CHST11: variants seen among roughly 807,000 people sequenced by gnomAD.
The protein encoded by CHST11 is C4S-1.
Under a neutral mutation model 30.4 loss-of-function variants are expected in CHST11, and 9 were observed. That is an observed-to-expected ratio of 0.30 (90% CI 0.18 to 0.52). CHST11 has a LOEUF of 0.52. CHST11 is among the 20% of genes least tolerant of loss of function. The pLI is 0.97. For missense variants in CHST11, 348 were observed against 460.6 expected (o/e 0.76, Z 2.24); for synonymous variants, 152 against 187.8 (o/e 0.81, Z 1.56).
intron 1 of CHST11, among the ~76,000 whole-genome samples, chr12:104,488,231 AAAGATGTTGCTGCCC>A (rs1250393401): frequency 1.3e-5 from 2 of 152,048 alleles, no homozygotes; most frequent in Admixed American, 1.3e-4. Flanking sequence ...AAGGACGGAG[AAAGATGTTGCTGCCC>A]AAGATGGCAG....
intron 1 of CHST11, among the ~76,000 whole-genome samples, chr12:104,595,170 C>T (rs1390897840): frequency 6.6e-6 from 1 of 152,062 alleles, no homozygotes; most frequent in Admixed American, 6.5e-5. Flanking sequence ...ACCCCTGTGG[C>T]CCATGCCCCA....
intron 1 of CHST11, chr12:104,514,369 G>A: frequency 1.1e-6 from 1 of 938,816 alleles, no homozygotes; most frequent in African/African-American, 1.6e-5. Flanking sequence ...GCCATTCTGG[G>A]CTTTGCCCTG....
At chr12:104,720,731 G>GA (rs10711712) in intron 2 of CHST11, among the ~76,000 whole-genome samples, 4 of 148,832 alleles carry the variant, frequency 2.7e-5, no homozygotes, top group African/African-American at 1.0e-4. Context: ...TTAAAAAGGG[G>GA]AAAAAAAAAA....
In CHST11 at chr12:104,561,778, C is replaced by G. The variant is rs145261519; in HGVS notation, c.119-40128C>G. On this transcript the variant is annotated intron_variant, in intron 1 of 2. Transcript: ENST00000303694. Reference sequence around the variant, plus strand: ...CTCACAACGGTCTTACTGCGTAGGTCCCATTATTAGGTCCATTTTTTTTTT... The same window carrying G: ...CTCACAACGGTCTTACTGCGTAGGTGCCATTATTAGGTCCATTTTTTTTTT... 4.1e-4 allele frequency among the ~76,000 whole-genome samples: 61 copies of G among 150,150 alleles called. No individual in the cohort carries two copies. The East Asian group carries it at 0.011, about 28-fold the overall frequency.
Position 104,673,224 on chromosome 12 carries a change from T to A in CHST11, c.204+71233T>A, listed in dbSNP as rs145436609. 3.6e-3 allele frequency among the ~76,000 whole-genome samples: 543 copies of A among 152,282 alleles called. 3 individuals carry two copies. The highest frequency in any genetic ancestry group is 0.013 in the African/African-American group (524 of 41,556). ...TCAAGATCCTTAGCTTAATCACATC[T>A]GCAAAGACCGTTTATCCAGAGAAGG... On this transcript the variant is annotated intron_variant, in intron 2 of 2. Coordinates refer to ENST00000303694, the MANE Select transcript of CHST11 (RefSeq NM_018413.6).
At chr12:104,539,693 A>G (rs2038269320) in intron 1 of CHST11, among the ~76,000 whole-genome samples, 1 of 152,212 alleles carries the variant, frequency 6.6e-6, no homozygotes, top group Non-Finnish European at 1.5e-5. Context: ...GCATACACTG[A>G]AAGACTTTGG....
At chr12:104,536,243 G>A (rs1335079206) in intron 1 of CHST11, among the ~76,000 whole-genome samples, 1 of 152,132 alleles carries the variant, frequency 6.6e-6, no homozygotes, top group Non-Finnish European at 1.5e-5. Context: ...ACCCTTTCAA[G>A]ACAAACTATG....
At chr12:104,553,628 C>T (rs1214752005) in intron 1 of CHST11, among the ~76,000 whole-genome samples, 1 of 145,952 alleles carries the variant, frequency 6.9e-6, no homozygotes, top group East Asian at 2.0e-4. Flanking sequence ...AGTGCCACAC[C>T]CTTAAACCAT....
At chr12:104,527,749 G>T (rs2038142460) in intron 1 of CHST11, among the ~76,000 whole-genome samples, 1 of 152,206 alleles carries the variant, frequency 6.6e-6, no homozygotes, top group African/African-American at 2.4e-5. Flanking sequence ...CTGCTGTAAA[G>T]AACTACCTCA....
intron 2 of CHST11, among the ~76,000 whole-genome samples, chr12:104,696,194 T>G (rs1464713174): frequency 6.6e-6 from 1 of 152,100 alleles, no homozygotes; most frequent in Non-Finnish European, 1.5e-5. Flanking sequence ...CCTTTTTTCT[T>G]TTTTCCTTTT....
intron 2 of CHST11, among the ~76,000 whole-genome samples, chr12:104,604,187 C>T (rs768657398): frequency 2.0e-5 from 3 of 152,120 alleles, no homozygotes; most frequent in Non-Finnish European, 4.4e-5. Flanking sequence ...CTCTTCCTTC[C>T]GGTAGTGTTC....
intron 1 of CHST11, among the ~76,000 whole-genome samples, chr12:104,590,654 G>A (rs77010455): frequency 5.3e-5 from 8 of 151,370 alleles, no homozygotes; most frequent in Admixed American, 3.3e-4. Flanking sequence ...GGGCGCAGTG[G>A]CTCATGCCTG....
intron 1 of CHST11, among the ~76,000 whole-genome samples, chr12:104,517,814 T>G (rs1484789736): frequency 6.6e-6 from 1 of 152,254 alleles, no homozygotes; most frequent in African/African-American, 2.4e-5. Flanking sequence ...TTCCTTAAGC[T>G]GACTCCTGAT....
At chr12:104,551,413 C>T (rs1019352397) in intron 1 of CHST11, among the ~76,000 whole-genome samples, 9 of 152,010 alleles carry the variant, frequency 5.9e-5, no homozygotes, top group Admixed American at 2.6e-4. Flanking sequence ...TGACTGCTTG[C>T]TTTTGTAAGC....
chr12:104,532,340 A>T lies in CHST11; in HGVS notation c.119-69566A>T, dbSNP rs1354350129. Reference sequence around the variant, plus strand: ...TTCCCACCCCCACCCCGTTATAAGAATGAGCCAAAGACGGTGTATTGGTTC... The same window carrying T: ...TTCCCACCCCCACCCCGTTATAAGATTGAGCCAAAGACGGTGTATTGGTTC... On this transcript the variant is annotated intron_variant, in intron 1 of 2. Coordinates refer to ENST00000303694, the MANE Select transcript of CHST11 (RefSeq NM_018413.6). 2.0e-5 allele frequency among the ~76,000 whole-genome samples: 3 copies of T among 152,032 alleles called. No individual in the cohort carries two copies. The East Asian group carries it at 5.8e-4, about 29-fold the overall frequency.
At chr12:104,548,904 A>G (rs2038378392) in intron 1 of CHST11, among the ~76,000 whole-genome samples, 1 of 152,234 alleles carries the variant, frequency 6.6e-6, no homozygotes, top group African/African-American at 2.4e-5. Flanking sequence ...CCTTTTCAGC[A>G]AAGTGAACTA....
At chr12:104,612,283 G>A (rs1021366609) in intron 2 of CHST11, among the ~76,000 whole-genome samples, 13 of 152,136 alleles carry the variant, frequency 8.5e-5, no homozygotes, top group Admixed American at 7.9e-4. Context: ...AGCAGGATTG[G>A]TTCCTTCTGA....
chr12:104,565,527 A>G (rs755785177), intron 1 of CHST11, among the ~76,000 whole-genome samples: 4 of 151,998 alleles, frequency 2.6e-5, no homozygotes, highest in Non-Finnish European at 5.9e-5. Flanking sequence ...TCGGCCTCCC[A>G]AAGTGCTGGG....
chr12:104,688,534 C>T (rs1390802118), intron 2 of CHST11, among the ~76,000 whole-genome samples: 2 of 152,182 alleles, frequency 1.3e-5, no homozygotes, highest in Non-Finnish European at 2.9e-5. Context: ...TTCTTCCTCT[C>T]ACTTGTTTTG....
Sources: allele counts gnomAD v4.1 joint callset (sites outside exome capture counted in the v4.1 genomes callset), GRCh38; gene constraint gnomAD v4.1.1; transcripts MANE v1.5; gene names NCBI Gene and HGNC (gene_info 2026-07-23, HGNC 2026-07-21).